Variants in ANAPC1 observed in about 807,000 individuals in gnomAD.
ANAPC1 encodes anaphase promoting complex subunit 1, also known as anaphase-promoting complex subunit 1.
ANAPC1 carries 36 observed loss-of-function variants against 208.0 expected under a neutral mutation model. The observed-to-expected ratio is 0.17, with a 90% CI of 0.13 to 0.23. ANAPC1 has a LOEUF of 0.23. Ranked by LOEUF, ANAPC1 falls within the 10% of genes least tolerant of loss-of-function variation. The pLI is 1.00. For synonymous variants in ANAPC1, 378 were observed against 695.2 expected, an observed-to-expected ratio of 0.54 and a Z score of 7.18; for missense variants, 942 against 2,011.6, an observed-to-expected ratio of 0.47 and a Z score of 10.17.
intron 26 of ANAPC1, among the ~76,000 whole-genome samples, chr2:111,820,036 C>T (rs1679438214): frequency 6.6e-6 from 1 of 151,998 alleles, no homozygotes; most frequent in Non-Finnish European, 1.5e-5. Flanking sequence ...ATATTATATC[C>T]CCTGAATATA....
intron 16 of ANAPC1, among the ~76,000 whole-genome samples, chr2:111,846,904 C>T (rs1019254509): frequency 2.0e-5 from 3 of 152,058 alleles, no homozygotes; most frequent in Admixed American, 6.6e-5. Flanking sequence ...GCACAATATT[C>T]CCCAACAGAA....
rs1202737645 is a variant in ANAPC1, at chr2:111,779,825, A to T, written c.5289+474T>A. The T allele has an allele frequency of 1.3e-5, 3 of 230,212 alleles. No individual in the cohort carries two copies. The East Asian group carries it at 4.1e-4, about 31-fold the overall frequency. The allele number at this position is 230,212 out of a possible 1,614,324, so 14.3% of individuals were successfully genotyped here. A position where few individuals can be genotyped will look rare whatever the true frequency, so the allele number is the denominator to read the frequency against. ...GTCACTGCACTCCAGCCTGGGCAACAGAAAAAACCGACCCTGTCTCAAAAA... is the reference window on the plus strand; with the variant it reads ...GTCACTGCACTCCAGCCTGGGCAACTGAAAAAACCGACCCTGTCTCAAAAA... On this transcript the variant is annotated intron_variant, in intron 44 of 47. Coordinates refer to ENST00000341068, the MANE Select transcript of ANAPC1 (RefSeq NM_022662.4).
intron 21 of ANAPC1, among the ~76,000 whole-genome samples, chr2:111,827,252 G>A (rs1313211083): frequency 6.6e-6 from 1 of 152,000 alleles, no homozygotes. Context: ...ATAACACAAA[G>A]GAAAAAGTCT....
intron 8 of ANAPC1, among the ~76,000 whole-genome samples, chr2:111,864,258 C>T (rs1249243997): frequency 1.3e-5 from 2 of 151,462 alleles, no homozygotes; most frequent in Non-Finnish European, 2.9e-5. Flanking sequence ...CCCAGGAGTT[C>T]AAGGCTGCAG....
chr2:111,846,665 G>A (rs912259486), intron 16 of ANAPC1, among the ~76,000 whole-genome samples: 4 of 144,742 alleles, frequency 2.8e-5, no homozygotes, highest in Non-Finnish European at 4.5e-5. Flanking sequence ...CGCATTCTGG[G>A]TTCAAGCGAT....
At chr2:111,860,820 A>C (rs1682019833) in intron 10 of ANAPC1, among the ~76,000 whole-genome samples, 1 of 151,784 alleles carries the variant, frequency 6.6e-6, no homozygotes, top group African/African-American at 2.4e-5. Flanking sequence ...GGAGGCCACA[A>C]ATCCCTTTGA....
At chr2:111,842,798 AAGG>A (rs1179697181) in intron 17 of ANAPC1, among the ~76,000 whole-genome samples, 1 of 152,112 alleles carries the variant, frequency 6.6e-6, no homozygotes, top group Non-Finnish European at 1.5e-5. Flanking sequence ...CCAAAGCTAG[AAGG>A]AGATCACCAA....
chr2:111,841,724 G>A lies in ANAPC1; in HGVS notation c.2040+1688C>T, dbSNP rs1460119149. Among the ~76,000 whole-genome samples the A allele has an allele frequency of 6.6e-5, 10 of 152,240 alleles. No homozygotes were observed. The South Asian group carries it at 8.3e-4, about 13-fold the overall frequency. On this transcript the variant is annotated intron_variant, in intron 17 of 47. Coordinates refer to ENST00000341068, the MANE Select transcript of ANAPC1 (RefSeq NM_022662.4). Reference sequence around the variant, plus strand: ...GATTCTACGCAGAGGCGTGACGAACGCAACCTGACGTTATCAAACAGGATT... The same window carrying A: ...GATTCTACGCAGAGGCGTGACGAACACAACCTGACGTTATCAAACAGGATT...
intron 8 of ANAPC1, among the ~76,000 whole-genome samples, chr2:111,864,558 A>C (rs1460860560): frequency 1.0e-4 from 14 of 139,540 alleles, no homozygotes; most frequent in African/African-American, 3.2e-4. Flanking sequence ...TACACCTCCC[A>C]GGTTCAAGTG....
At chr2:111,878,371 G>C (rs182035537) in intron 3 of ANAPC1, among the ~76,000 whole-genome samples, 42 of 152,280 alleles carry the variant, frequency 2.8e-4, no homozygotes, top group African/African-American at 7.7e-4. Flanking sequence ...TCAACTTTCA[G>C]AACAGTTAGT....
At chr2:111,844,955 C>T (rs1179048761) in intron 16 of ANAPC1, among the ~76,000 whole-genome samples, 4 of 152,182 alleles carry the variant, frequency 2.6e-5, no homozygotes, top group Non-Finnish European at 5.9e-5. Flanking sequence ...AAGTGGTCCA[C>T]CAGCTCAAGC....
chr2:111,855,759 T>C (rs780504304), intron 13 of ANAPC1, among the ~76,000 whole-genome samples: 12 of 152,090 alleles, frequency 7.9e-5, no homozygotes, highest in Non-Finnish European at 1.3e-4. Context: ...CAGGGGAAGA[T>C]AGGATGCAAT....
intron 10 of ANAPC1, among the ~76,000 whole-genome samples, chr2:111,859,773 G>C (rs1408299608): frequency 6.6e-6 from 1 of 152,126 alleles, no homozygotes; most frequent in East Asian, 1.9e-4. Flanking sequence ...TTACATATCT[G>C]ATCAACCTTC....
At chr2:111,802,625 A>G in intron 32 of ANAPC1, 119 bp from the exon 33 acceptor site, 1 of 366,416 alleles carries the variant, frequency 2.7e-6, no homozygotes, top group South Asian at 2.1e-5. Context: ...CATATTTTTC[A>G]CAATACTTCA....
At position 111,877,315 on chromosome 2, in the gene ANAPC1, G is replaced by A. The variant is rs117846211; in HGVS notation, c.375+1495C>T. ...ATCAAAAAATACTGCATTTGGTGATGTCTCTTTAGTCTCTTTCAATGTAGA... is the reference window on the plus strand; with the variant it reads ...ATCAAAAAATACTGCATTTGGTGATATCTCTTTAGTCTCTTTCAATGTAGA... On this transcript the variant is annotated intron_variant, in intron 3 of 47. Transcript: ENST00000341068. 7.9e-5 allele frequency among the ~76,000 whole-genome samples: 12 copies of A among 151,960 alleles called. No homozygotes were observed. In the East Asian group the frequency reaches 2.3e-3, roughly 29 times the overall value.
chr2:111,783,455 T>C (rs1421803955), intron 42 of ANAPC1, among the ~76,000 whole-genome samples: 2 of 151,460 alleles, frequency 1.3e-5, no homozygotes, highest in Admixed American at 1.3e-4. Context: ...GCTTCCCCTT[T>C]GCCTTCTGCC....
chr2:111,775,046 T>C (rs1573296126), intron 46 of ANAPC1, among the ~76,000 whole-genome samples: 1 of 152,214 alleles, frequency 6.6e-6, no homozygotes, highest in African/African-American at 2.4e-5. Context: ...GGCACGTAGA[T>C]CATGAGGTCA....
chr2:111,854,267 G>A (rs147409118), intron 13 of ANAPC1, among the ~76,000 whole-genome samples: 3,296 of 152,220 alleles, frequency 0.022, 108 homozygotes, highest in African/African-American at 0.074. Flanking sequence ...TGAGCAATAC[G>A]TCTCAACAGT....
At chr2:111,801,924 G>A (rs1205351097) in intron 33 of ANAPC1, among the ~76,000 whole-genome samples, 1 of 151,872 alleles carries the variant, frequency 6.6e-6, no homozygotes, top group Non-Finnish European at 1.5e-5. Context: ...GAATTAGAGG[G>A]AAAATTTTAG....
Sources: gnomAD v4.1 joint callset for allele counts (sites outside exome capture counted in the v4.1 genomes callset) on GRCh38, gnomAD v4.1.1 for gene constraint, MANE v1.5 for transcripts, NCBI Gene and HGNC (gene_info 2026-07-23, HGNC 2026-07-21) for gene names.